Variants in PLEKHA2 observed in about 807,000 individuals in gnomAD.
The protein encoded by PLEKHA2 is pleckstrin homology domain-containing family A member 2.
Under a neutral mutation model 53.2 loss-of-function variants are expected in PLEKHA2, and 28 were observed. The ratio of observed to expected loss-of-function variants is 0.53; its 90% CI spans 0.39 to 0.72. The LOEUF is 0.72. PLEKHA2 is among the 30% of genes least tolerant of loss of function. PLEKHA2 has a pLI of 0.00. For synonymous variants in PLEKHA2, 193 were observed against 196.4 expected (o/e 0.98, Z 0.14); for missense variants, 426 against 537.9 (o/e 0.79, Z 2.06).
intron 2 of PLEKHA2, among the ~76,000 whole-genome samples, chr8:38,931,169 T>A (rs968037263): frequency 6.6e-6 from 1 of 152,088 alleles, no homozygotes; most frequent in African/African-American, 2.4e-5. Flanking sequence ...TCCCAGCTAC[T>A]CAGGAGGCTG....
At chr8:38,918,664 C>T (rs532870544) in intron 2 of PLEKHA2, among the ~76,000 whole-genome samples, 110 of 147,124 alleles carry the variant, frequency 7.5e-4, no homozygotes, top group South Asian at 2.0e-3. Flanking sequence ...TACACACACC[C>T]CCATACACAC....
At chr8:38,912,961 CTT>C (rs773159972) in intron 1 of PLEKHA2, among the ~76,000 whole-genome samples, 2 of 152,176 alleles carry the variant, frequency 1.3e-5, no homozygotes, top group Non-Finnish European at 2.9e-5. Flanking sequence ...GAATGCTTAT[CTT>C]TCCCTTGGGT....
chr8:38,952,858 A>AC lies in PLEKHA2; in HGVS notation c.702+155dup, dbSNP rs1834872557. Among the ~76,000 whole-genome samples the AC allele has an allele frequency of 2.0e-5, 3 of 152,368 alleles. No homozygotes were observed. The South Asian group carries it at 6.2e-4, about 32-fold the overall frequency. On this transcript the variant is annotated intron_variant, in intron 8 of 11. Transcript: ENST00000617275. ...ATCTCCATTCTGTGCACACATCTTT[A>AC]CAGTGACACTAAAGTGTCCTCTCTG...
intron 1 of PLEKHA2, among the ~76,000 whole-genome samples, chr8:38,913,267 G>A (rs1402173331): frequency 1.3e-5 from 2 of 151,960 alleles, no homozygotes; most frequent in African/African-American, 2.4e-5. Flanking sequence ...GGGAGGCTGA[G>A]GCAGGACAAT....
intron 2 of PLEKHA2, among the ~76,000 whole-genome samples, 171 bp downstream of exon 2, chr8:38,918,241 C>G (rs1233296231): frequency 6.6e-6 from 1 of 151,430 alleles, no homozygotes; most frequent in East Asian, 1.9e-4. Context: ...TGCACATTCA[C>G]GTGCACACAC....
intron 10 of PLEKHA2, among the ~76,000 whole-genome samples, chr8:38,965,045 T>C (rs149224619): frequency 6.6e-5 from 10 of 152,204 alleles, no homozygotes; most frequent in African/African-American, 2.4e-4. Flanking sequence ...TTTTTCTACA[T>C]TTATTATCTA....
At chr8:38,968,817 C>A (rs958138908) in intron 11 of PLEKHA2, 148 bp downstream of exon 11, 13 of 689,608 alleles carry the variant, frequency 1.9e-5, no homozygotes, top group Non-Finnish European at 2.9e-5. Flanking sequence ...TCTCATTCTA[C>A]TAATTTGGGT....
rs554543581 is a variant in PLEKHA2 at position 38,962,007 on chromosome 8, A to G, written c.837+4621A>G. 1.3e-4 allele frequency among the ~76,000 whole-genome samples: 20 copies of G among 152,368 alleles called. No individual in the cohort carries two copies. The South Asian group carries it at 4.1e-3, about 32-fold the overall frequency. On this transcript the variant is annotated intron_variant, in intron 10 of 11. Coordinates refer to ENST00000617275, the MANE Select transcript of PLEKHA2 (RefSeq NM_021623.2). Reference sequence around the variant, plus strand: ...TTTATCACTTTGTAGTATAAGTACTATAAGTAGTATAAGTTTATCACTTAA... The same window carrying G: ...TTTATCACTTTGTAGTATAAGTACTGTAAGTAGTATAAGTTTATCACTTAA...
At chr8:38,913,096 G>T (rs1833979258) in intron 1 of PLEKHA2, among the ~76,000 whole-genome samples, 1 of 152,202 alleles carries the variant, frequency 6.6e-6, no homozygotes, top group Admixed American at 6.5e-5. Flanking sequence ...AGGCATGGTG[G>T]CTCATGCCTG....
rs190501320 is a variant in PLEKHA2 at position 38,940,045 on chromosome 8, G to T, written c.199-3744G>T. On this transcript the variant is annotated intron_variant, in intron 3 of 11. Transcript: ENST00000617275. ...AGGAGTTTGAGGCTGACCAAGCCAT[G>T]ACTGCACCTCCACACTCCAGCCTGA... Among the ~76,000 whole-genome samples, 446 of 144,294 alleles carry T rather than the reference G, an allele frequency of 3.1e-3. 4 individuals carry two copies. The highest frequency in any genetic ancestry group is 0.011 in the African/African-American group (424 of 38,836). 94.7% of individuals were successfully genotyped at this position (144,294 alleles called of 152,430 possible).
chr8:38,960,498 ATG>A (rs1283910274), intron 10 of PLEKHA2, among the ~76,000 whole-genome samples: 1 of 152,200 alleles, frequency 6.6e-6, no homozygotes, highest in Non-Finnish European at 1.5e-5. Flanking sequence ...TCAAAAAAAA[ATG>A]AGCAATCATA....
intron 1 of PLEKHA2, among the ~76,000 whole-genome samples, chr8:38,907,988 T>A (rs777426495): frequency 6.6e-6 from 1 of 152,044 alleles, no homozygotes; most frequent in Non-Finnish European, 1.5e-5. Flanking sequence ...CCCCAATAGT[T>A]GTGACTATAG....
At position 38,969,790 on chromosome 8, in the gene PLEKHA2, A is replaced by G; in HGVS notation, c.*7A>G. ...ACGGACCTCTGATGTGTGATGGAGCACAGTGCCATGGGAGGGAGGGAGGGA... is the reference window on the plus strand; with the variant it reads ...ACGGACCTCTGATGTGTGATGGAGCGCAGTGCCATGGGAGGGAGGGAGGGA... On this transcript the variant is annotated 3_prime_UTR_variant, in exon 12 of 12. Coordinates refer to ENST00000617275, the MANE Select transcript of PLEKHA2 (RefSeq NM_021623.2). 8.8e-7 allele frequency: 1 copy of G among 1,133,436 alleles called. No homozygotes were observed. The highest frequency in any genetic ancestry group is 1.3e-6 in the Non-Finnish European group (1 of 799,316). The allele number at this position is 1,133,436 out of a possible 1,614,324, so 70.2% of individuals were successfully genotyped here.
chr8:38,912,772 C>T (rs1833972799), intron 1 of PLEKHA2, among the ~76,000 whole-genome samples: 1 of 152,102 alleles, frequency 6.6e-6, no homozygotes, highest in South Asian at 2.1e-4. Context: ...CTGAACGTGC[C>T]GCTGCTGCGT....
At chr8:38,916,166 G>A (rs977114327) in intron 1 of PLEKHA2, among the ~76,000 whole-genome samples, 3 of 151,988 alleles carry the variant, frequency 2.0e-5, no homozygotes. Context: ...TAGTAGAGAC[G>A]AGGTTTCACC....
intron 5 of PLEKHA2, among the ~76,000 whole-genome samples, chr8:38,948,386 G>A (rs1834756644): frequency 6.6e-6 from 1 of 152,150 alleles, no homozygotes; most frequent in South Asian, 2.1e-4. Context: ...AATCATGCCT[G>A]GTTGATAAGA....
intron 3 of PLEKHA2, among the ~76,000 whole-genome samples, chr8:38,937,109 C>T (rs1834509696): frequency 6.6e-6 from 1 of 152,204 alleles, no homozygotes; most frequent in African/African-American, 2.4e-5. Flanking sequence ...GAGGGGCAGC[C>T]CGCCCCTGTG....
In PLEKHA2 at chr8:38,952,721, C is replaced by T. The variant is rs1322015103; in HGVS notation, c.702+17C>T. 6.2e-7 allele frequency: 1 copy of T among 1,608,190 alleles called. No homozygotes were observed. The highest frequency in any genetic ancestry group is 1.3e-5 in the African/African-American group (1 of 74,964). ...TGTGAGCAGGTTTGTAGTAGCTTTG[C>T]TGCCCTTCTGAGAGGTCATGGAAAC... On this transcript the variant is annotated intron_variant, in intron 8 of 11. Transcript: ENST00000617275.
rs1026586998 is a variant in PLEKHA2, at chr8:38,969,767, G to A, written c.1262G>A (p.Arg421Gln). Residue 421 changes from arginine to glutamine, a missense_variant, in exon 12 of 12, where the codon CGG becomes CAG. Transcript: ENST00000617275. ...FMFNLDDENI[R>Q]TSDV ...TTCAACCTTGATGATGAAAACATAC[G>A]GACCTCTGATGTGTGATGGAGCACA... 17 of 1,546,566 alleles carry A rather than the reference G, an allele frequency of 1.1e-5. No individual in the cohort carries two copies. Among genetic ancestry groups the A allele is most frequent in the East Asian group, 9.9e-5 (4 of 40,544 alleles).
Sources: allele counts gnomAD v4.1 joint callset (sites outside exome capture counted in the v4.1 genomes callset), GRCh38; gene constraint gnomAD v4.1.1; transcripts MANE v1.5; gene names NCBI Gene and HGNC (gene_info 2026-07-23, HGNC 2026-07-21).